The following TSC22D3 variants were observed in gnomAD, a reference collection of about 807,000 sequenced individuals.
TSC22D3 encodes the protein TSC22 domain family member 3, also known as TSC22 domain family protein 3.
In TSC22D3, 4 loss-of-function variants were observed where a neutral mutation model predicts 11.1. The observed-to-expected ratio is 0.36, with a 90% CI of 0.18 to 0.83. The LOEUF (loss-of-function observed/expected upper bound fraction) is 0.83. Ranked by LOEUF, TSC22D3 falls within the 40% of genes least tolerant of loss-of-function variation. The pLI, the probability that TSC22D3 is intolerant of heterozygous loss-of-function variation, is 0.48. For synonymous variants in TSC22D3, 77 were observed against 70.3 expected (o/e 1.10, Z -0.48); for missense variants, 118 against 159.4 (o/e 0.74, Z 1.40).
intron 1 of TSC22D3, among the ~76,000 whole-genome samples, chrX:107,762,211 C>G (rs1929471650): frequency 9.0e-6 from 1 of 111,620 alleles, no homozygotes; most frequent in African/African-American, 3.3e-5. Context: ...GGTGGGCGGC[C>G]TTACTCCAAT....
intron 1 of TSC22D3, among the ~76,000 whole-genome samples, chrX:107,763,738 A>AT (rs1480536988): frequency 2.7e-5 from 3 of 111,319 alleles, no homozygotes; most frequent in Admixed American, 9.5e-5. Context: ...ACAAAAACAA[A>AT]TTTTCCTTCC....
intron 1 of TSC22D3, among the ~76,000 whole-genome samples, chrX:107,764,811 G>A (rs1296444238): frequency 2.7e-5 from 3 of 111,409 alleles, no homozygotes; most frequent in Non-Finnish European, 1.9e-5. Flanking sequence ...GCCCACCCTC[G>A]ACTGCACCCC....
intron 1 of TSC22D3, among the ~76,000 whole-genome samples, chrX:107,740,215 C>T (rs990261825): frequency 1.8e-5 from 2 of 111,746 alleles, no homozygotes; most frequent in Non-Finnish European, 3.8e-5. Flanking sequence ...GAGCTCATTA[C>T]GCTTCAGGGC....
chrX:107,769,597 C>T (rs1046449143), intron 1 of TSC22D3, among the ~76,000 whole-genome samples: 3 of 111,146 alleles, frequency 2.7e-5, no homozygotes, highest in Non-Finnish European at 3.8e-5. Context: ...ATACCTAATG[C>T]TACTGAATCG....
chrX:107,775,526 C>T lies in TSC22D3; in HGVS notation c.-107G>A. The T allele has an allele frequency of 3.1e-6, 2 of 635,543 alleles. No individual in the cohort carries two copies. Among genetic ancestry groups the T allele is most frequent in the African/African-American group, 4.5e-5 (2 of 44,768 alleles). The allele number at this position is 635,543 out of a possible 1,213,427, so 52.4% of individuals were successfully genotyped here. ...CTCCAGGGTGCCTGGAAAAGACAAG[C>T]TGTGAGGAAAAGAGTTGGAAATTAG... is the stretch of plus-strand genomic sequence containing the variant. On this transcript the variant is annotated 5_prime_UTR_variant, in exon 1 of 3. Transcript: ENST00000372383.
At chrX:107,716,106 C>A in intron 1 of TSC22D3, 156 bp from the exon 2 acceptor site, 3 of 654,012 alleles carry the variant, frequency 4.6e-6, no homozygotes, top group Non-Finnish European at 6.7e-6. Context: ...GTCCCCAGAT[C>A]CTTCCTTGGC....
chrX:107,736,805 A>T (rs1928156148), intron 1 of TSC22D3, among the ~76,000 whole-genome samples: 2 of 111,363 alleles, frequency 1.8e-5, no homozygotes, highest in Non-Finnish European at 3.8e-5. Flanking sequence ...AAGTAGAAGG[A>T]GCTGAGAGGC....
Position 107,714,484 on chromosome X carries a change from T to A in TSC22D3, c.*35A>T. On this transcript the variant is annotated 3_prime_UTR_variant, in exon 3 of 3. Transcript: ENST00000372383. ...ACTGGAAAGAACTAGGTAAAACAAG[T>A]TTAGTGGCTCTGCCCACCCTGAGGA... is the stretch of plus-strand genomic sequence containing the variant. 1 of 1,160,500 alleles carries A rather than the reference T, an allele frequency of 8.6e-7. No homozygotes were observed. Among genetic ancestry groups the A allele is most frequent in the South Asian group, 1.9e-5 (1 of 53,321 alleles).
At chrX:107,755,298 G>A (rs1247128426) in intron 1 of TSC22D3, among the ~76,000 whole-genome samples, 1 of 112,358 alleles carries the variant, frequency 8.9e-6, no homozygotes, top group African/African-American at 3.2e-5. Flanking sequence ...ATGAACAAAG[G>A]ACTTTGTGGT....
intron 1 of TSC22D3, among the ~76,000 whole-genome samples, chrX:107,763,881 C>T (rs761280527): frequency 8.0e-4 from 90 of 112,396 alleles, no homozygotes; most frequent in Non-Finnish European, 2.1e-4. Flanking sequence ...ATCTCTTCCT[C>T]TTGTCAGAAA....
rs772473551 is a variant in TSC22D3, at chrX:107,758,827, C to A, written c.320+16273G>T. 7.1e-5 allele frequency among the ~76,000 whole-genome samples: 8 copies of A among 111,934 alleles called. No homozygotes were observed. The South Asian group carries it at 3.0e-3, about 42-fold the overall frequency. ...ATTAACAACTGCACATTAATGACAC[C>A]TCCAAACACCCAGATTCTTGTTACT... On this transcript the variant is annotated intron_variant, in intron 1 of 2. Coordinates refer to ENST00000372383, the MANE Select transcript of TSC22D3 (RefSeq NM_198057.3).
At chrX:107,765,730 G>C (rs898412776) in intron 1 of TSC22D3, among the ~76,000 whole-genome samples, 5 of 111,769 alleles carry the variant, frequency 4.5e-5, no homozygotes, top group Non-Finnish European at 9.4e-5. Flanking sequence ...TACTGCTACA[G>C]CCTATGAACC....
At chrX:107,758,198 G>T (rs1371567375) in intron 1 of TSC22D3, among the ~76,000 whole-genome samples, 1 of 110,323 alleles carries the variant, frequency 9.1e-6, no homozygotes, top group Non-Finnish European at 1.9e-5. Context: ...GTGGAGGGAG[G>T]TTCTTCGTCT....
intron 1 of TSC22D3, among the ~76,000 whole-genome samples, chrX:107,742,326 TGC>T (rs1296390794): frequency 6.3e-5 from 3 of 47,907 alleles, no homozygotes; most frequent in African/African-American, 1.8e-4. Flanking sequence ...AGAGTGTGTG[TGC>T]GCGCGCGCGC....
chrX:107,713,668 C>T lies in TSC22D3; in HGVS notation c.*851G>A, dbSNP rs1213144864. On this transcript the variant is annotated 3_prime_UTR_variant, in exon 3 of 3. Coordinates refer to ENST00000372383, the MANE Select transcript of TSC22D3 (RefSeq NM_198057.3). ...CCGTGGCCGCATTCAGAGGCTGGCC[C>T]CCCTCCTTGCCTTTACTCTCGAGTC... 9.0e-6 allele frequency: 1 copy of T among 111,694 alleles called. No homozygotes were observed. Among genetic ancestry groups the T allele is most frequent in the Admixed American group, 9.5e-5 (1 of 10,518 alleles). The allele number at this position is 111,694 out of a possible 1,213,427, so 9.2% of individuals were successfully genotyped here.
chrX:107,752,108 C>G (rs1928959121), intron 1 of TSC22D3, among the ~76,000 whole-genome samples: 1 of 112,087 alleles, frequency 8.9e-6, no homozygotes, highest in Admixed American at 9.5e-5. Flanking sequence ...GTTGAGAGTC[C>G]TAAGCAGCGG....
intron 1 of TSC22D3, among the ~76,000 whole-genome samples, chrX:107,725,872 G>C (rs901288706): frequency 9.0e-6 from 1 of 110,951 alleles, no homozygotes; most frequent in Non-Finnish European, 1.9e-5. Flanking sequence ...GAAGGGACTG[G>C]TTTTTCTCTA....
At chrX:107,737,046 C>A (rs149342356) in intron 1 of TSC22D3, among the ~76,000 whole-genome samples, 2 of 111,709 alleles carry the variant, frequency 1.8e-5, no homozygotes, top group Non-Finnish European at 3.8e-5. Context: ...GTCAACAGAC[C>A]CAGAGACCTT....
At chrX:107,738,968 A>G (rs758894823) in intron 1 of TSC22D3, among the ~76,000 whole-genome samples, 1 of 112,972 alleles carries the variant, frequency 8.9e-6, no homozygotes, top group South Asian at 3.6e-4. Context: ...GCTTGTGTGT[A>G]CCGGACAAGC....
Sources: allele counts gnomAD v4.1 joint callset (sites outside exome capture counted in the v4.1 genomes callset), GRCh38; gene constraint gnomAD v4.1.1; transcripts MANE v1.5; gene names NCBI Gene and HGNC (gene_info 2026-07-23, HGNC 2026-07-21).